Variants in LRCH1 observed in about 807,000 individuals in gnomAD.
LRCH1 encodes the protein leucine rich repeats and calponin homology domain containing 1, also known as leucine-rich repeat and calponin homology domain-containing protein 1.
In LRCH1, 23 loss-of-function variants were observed where a neutral mutation model predicts 94.9. The observed-to-expected ratio is 0.24, with a 90% CI of 0.17 to 0.34. The LOEUF (loss-of-function observed/expected upper bound fraction) is 0.34, where lower values mean the gene tolerates loss of function less well. Ranked by LOEUF, LRCH1 falls within the 10% of genes least tolerant of loss-of-function variation. LRCH1 has a pLI of 1.00. For synonymous variants in LRCH1, 364 were observed against 354.9 expected (o/e 1.03, Z -0.29); for missense variants, 790 against 945.9 (o/e 0.84, Z 2.16).
chr13:46,634,175 G>A (rs952412296), intron 1 of LRCH1, among the ~76,000 whole-genome samples: 2 of 152,188 alleles, frequency 1.3e-5, no homozygotes, highest in African/African-American at 4.8e-5. Flanking sequence ...ACCGCGCCCA[G>A]CCTTTCCTGC....
intron 2 of LRCH1, among the ~76,000 whole-genome samples, chr13:46,655,451 T>C (rs1347523602): frequency 1.3e-5 from 2 of 152,248 alleles, no homozygotes; most frequent in African/African-American, 4.8e-5. Flanking sequence ...CTTTGCCTCT[T>C]GGCGTTCACA....
intron 1 of LRCH1, among the ~76,000 whole-genome samples, chr13:46,649,388 A>T (rs148962577): frequency 6.6e-6 from 1 of 152,208 alleles, no homozygotes; most frequent in African/African-American, 2.4e-5. Flanking sequence ...ATTCATTTAG[A>T]TATTAGGATA....
downstream of LRCH1, among the ~76,000 whole-genome samples, chr13:46,747,519 G>T (rs1873957495): frequency 6.6e-6 from 1 of 152,232 alleles, no homozygotes; most frequent in South Asian, 2.1e-4. Flanking sequence ...GTCGTTCACA[G>T]AGATTAGGCT....
chr13:46,594,909 C>T (rs886758361), intron 1 of LRCH1, among the ~76,000 whole-genome samples: 5 of 151,998 alleles, frequency 3.3e-5, no homozygotes, highest in African/African-American at 4.8e-5. Flanking sequence ...ACCTGATTGA[C>T]TCTAGTTTAT....
downstream of LRCH1, among the ~76,000 whole-genome samples, chr13:46,747,978 G>A (rs1161388098): frequency 6.6e-6 from 1 of 152,116 alleles, no homozygotes; most frequent in Non-Finnish European, 1.5e-5. Context: ...TTGGCCTCAA[G>A]TGATCTTCCA....
chr13:46,577,958 C>T (rs1393409577), intron 1 of LRCH1, among the ~76,000 whole-genome samples: 2 of 152,176 alleles, frequency 1.3e-5, no homozygotes, highest in Non-Finnish European at 2.9e-5. Context: ...GGCAGTGGTG[C>T]CCACTAAAGG....
At chr13:46,741,565 T>G in intron 19 of LRCH1, 77 bp from the exon 20 acceptor site, 2 of 1,585,396 alleles carry the variant, frequency 1.3e-6, no homozygotes, top group Non-Finnish European at 8.7e-7. Context: ...AATGTGTGCT[T>G]CTTTCTAGCT....
At chr13:46,681,471 A>C (rs1056148636) in intron 3 of LRCH1, among the ~76,000 whole-genome samples, 3 of 152,220 alleles carry the variant, frequency 2.0e-5, no homozygotes, top group African/African-American at 7.2e-5. Flanking sequence ...AAATCGAAGC[A>C]TGTCAAAGTG....
chr13:46,670,124 G>A (rs2051578362), intron 3 of LRCH1, among the ~76,000 whole-genome samples: 1 of 152,250 alleles, frequency 6.6e-6, no homozygotes, highest in African/African-American at 2.4e-5. Context: ...TGGCACCCAT[G>A]TCACATACGT....
intron 1 of LRCH1, among the ~76,000 whole-genome samples, chr13:46,644,825 G>C (rs773260904): frequency 6.6e-6 from 1 of 152,144 alleles, no homozygotes; most frequent in Non-Finnish European, 1.5e-5. Flanking sequence ...GCTCCTTTCA[G>C]AAAGGAATCC....
chr13:46,654,903 G>A (rs1385212929), intron 2 of LRCH1, among the ~76,000 whole-genome samples: 1 of 152,168 alleles, frequency 6.6e-6, no homozygotes. Context: ...AATTTTCACA[G>A]ATTTTGTCTG....
intron 2 of LRCH1, among the ~76,000 whole-genome samples, chr13:46,651,326 G>C (rs1415464097): frequency 6.6e-6 from 1 of 152,182 alleles, no homozygotes; most frequent in East Asian, 1.9e-4. Context: ...GATTTAGTTG[G>C]CTACTGAAAA....
Position 46,660,166 on chromosome 13 carries a change from C to A in LRCH1, c.453-8864C>A, listed in dbSNP as rs556946779. On this transcript the variant is annotated intron_variant, in intron 2 of 19. Transcript: ENST00000389797. Reference sequence around the variant, plus strand: ...AGCTGGGACTACAGGCGCCCGCCACCACGCCCGGCTAATTTTTTGTATTTT... The same window carrying A: ...AGCTGGGACTACAGGCGCCCGCCACAACGCCCGGCTAATTTTTTGTATTTT... Among the ~76,000 whole-genome samples the A allele has an allele frequency of 1.5e-4, 23 of 151,302 alleles. No individual in the cohort carries two copies. The East Asian group carries it at 3.7e-3, about 25-fold the overall frequency.
At chr13:46,582,957 A>G (rs1191960611) in intron 1 of LRCH1, among the ~76,000 whole-genome samples, 1 of 152,006 alleles carries the variant, frequency 6.6e-6, no homozygotes, top group East Asian at 1.9e-4. Flanking sequence ...GCAGTTCTAT[A>G]TATAGTCAAG....
intron 17 of LRCH1, 128 bp from the exon 18 acceptor site, chr13:46,728,719 C>T: frequency 5.8e-6 from 5 of 866,588 alleles, no homozygotes; most frequent in Non-Finnish European, 8.4e-6. Flanking sequence ...TCAGTGTTTT[C>T]TAGGCATTGT....
intron 1 of LRCH1, among the ~76,000 whole-genome samples, chr13:46,646,169 G>A (rs1318285907): frequency 6.6e-6 from 1 of 152,200 alleles, no homozygotes; most frequent in Non-Finnish European, 1.5e-5. Context: ...AATTTAATAT[G>A]AGGAACTTCA....
chr13:46,618,740 G>T (rs2050842320), intron 1 of LRCH1, among the ~76,000 whole-genome samples: 1 of 152,182 alleles, frequency 6.6e-6, no homozygotes, highest in African/African-American at 2.4e-5. Flanking sequence ...AGTGTACTCG[G>T]AGGAACTTGT....
At chr13:46,639,608 C>T (rs1360144152) in intron 1 of LRCH1, among the ~76,000 whole-genome samples, 2 of 152,338 alleles carry the variant, frequency 1.3e-5, no homozygotes, top group East Asian at 3.9e-4. Context: ...CTCCCTCTCA[C>T]ACCCCAGAGA....
At chr13:46,715,517 C>A in intron 15 of LRCH1, 43 bp from the exon 16 acceptor site, 1 of 1,177,804 alleles carries the variant, frequency 8.5e-7, no homozygotes, top group Non-Finnish European at 1.2e-6. Context: ...TTTCCTGGTC[C>A]TTGTGCAACT....
Sources: allele counts gnomAD v4.1 joint callset (sites outside exome capture counted in the v4.1 genomes callset), GRCh38; gene constraint gnomAD v4.1.1; transcripts MANE v1.5; gene names NCBI Gene and HGNC (gene_info 2026-07-23, HGNC 2026-07-21).